Variants in KCNAB1 observed in about 807,000 individuals in gnomAD.
KCNAB1 encodes the protein voltage-gated potassium channel subunit beta-1.
Under a neutral mutation model 64.6 loss-of-function variants are expected in KCNAB1, and 35 were observed. The ratio of observed to expected loss-of-function variants is 0.54; its 90% CI spans 0.41 to 0.72. KCNAB1 has a LOEUF of 0.72. Among genes scored for constraint, KCNAB1 ranks in the 30% least tolerant of loss-of-function variants. KCNAB1 has a pLI of 0.00. For missense variants in KCNAB1, 401 were observed against 512.9 expected, an observed-to-expected ratio of 0.78 and a Z score of 2.11; for synonymous variants, 177 against 183.8, an observed-to-expected ratio of 0.96 and a Z score of 0.30.
At chr3:156,244,266 C>T (rs988079150) in intron 1 of KCNAB1, among the ~76,000 whole-genome samples, 1 of 152,206 alleles carries the variant, frequency 6.6e-6, no homozygotes, top group Non-Finnish European at 1.5e-5. Flanking sequence ...CTGGCTCCTT[C>T]TTTTATCTTC....
intron 1 of KCNAB1, among the ~76,000 whole-genome samples, chr3:156,389,817 T>C (rs1042812129): frequency 6.6e-6 from 1 of 152,244 alleles, no homozygotes; most frequent in Non-Finnish European, 1.5e-5. Flanking sequence ...TGGCAAACTA[T>C]AGCCACTTGT....
chr3:156,338,331 A>C (rs1369020237), intron 1 of KCNAB1, among the ~76,000 whole-genome samples: 2 of 7,758 alleles, frequency 2.6e-4, no homozygotes, highest in Admixed American at 1.1e-3. Context: ...TTTTTTTTTT[A>C]CAGAGTTTAA....
intron 1 of KCNAB1, among the ~76,000 whole-genome samples, chr3:156,229,484 T>C (rs1002984049): frequency 3.9e-5 from 6 of 152,168 alleles, no homozygotes; most frequent in African/African-American, 1.4e-4. Flanking sequence ...GGGACACAAA[T>C]TTAAACCATA....
chr3:156,449,875 T>C (rs1000470983), intron 2 of KCNAB1, among the ~76,000 whole-genome samples: 2 of 152,126 alleles, frequency 1.3e-5, no homozygotes, highest in Non-Finnish European at 2.9e-5. Context: ...TCAAAAAATA[T>C]AGATAAGTTG....
At chr3:156,383,503 T>G (rs989556203) in intron 1 of KCNAB1, among the ~76,000 whole-genome samples, 1 of 152,116 alleles carries the variant, frequency 6.6e-6, no homozygotes, top group African/African-American at 2.4e-5. Context: ...ATTATCCCAG[T>G]TTTGCACTGA....
At chr3:156,216,599 T>C (rs2108403482) in intron 1 of KCNAB1, among the ~76,000 whole-genome samples, 1 of 152,278 alleles carries the variant, frequency 6.6e-6, no homozygotes, top group African/African-American at 2.4e-5. Flanking sequence ...GACTGTCTAG[T>C]ACTAACCCTG....
rs1399844404 is a variant in KCNAB1 at position 156,536,752 on chromosome 3, A to G, written c.*5A>G. 3 of 1,586,336 alleles carry G rather than the reference A, an allele frequency of 1.9e-6. No homozygotes were observed. The highest frequency in any genetic ancestry group is 2.6e-6 in the Non-Finnish European group (3 of 1,154,760). ...AAGAAGGACTATAGATCATAAGGCA[A>G]TGCATGAACCACAGAAGCTGCATGG... is the stretch of plus-strand genomic sequence containing the variant. On this transcript the variant is annotated 3_prime_UTR_variant, in exon 14 of 14. Transcript: ENST00000490337.
intron 8 of KCNAB1, among the ~76,000 whole-genome samples, chr3:156,512,988 G>T (rs777146569): frequency 6.6e-6 from 1 of 152,314 alleles, no homozygotes; most frequent in East Asian, 1.9e-4. Flanking sequence ...CGAGGTGGGA[G>T]GATCACGAGG....
intron 1 of KCNAB1, among the ~76,000 whole-genome samples, chr3:156,129,048 A>T (rs1332843634): frequency 6.8e-6 from 1 of 146,360 alleles, no homozygotes; most frequent in East Asian, 2.0e-4. Context: ...CGGGGCTTTT[A>T]TAGTCGTTCT....
In KCNAB1 at chr3:156,465,677, A is replaced by G; in HGVS notation, c.562A>G (p.Ile188Val). 1.2e-6 allele frequency: 2 copies of G among 1,613,094 alleles called. No homozygotes were observed. The highest frequency in any genetic ancestry group is 1.7e-6 in the Non-Finnish European group (2 of 1,179,148). The part of the protein sequence containing the change: ...ETERGLSRKH[I>V]IEGLKGSLQR... ...AGAAAGAGGGCTGTCAAGAAAGCATATTATTGAAGGTGGGTACTTCTGCTT... is the reference window on the plus strand; with the variant it reads ...AGAAAGAGGGCTGTCAAGAAAGCATGTTATTGAAGGTGGGTACTTCTGCTT... The change falls in exon 7 of 14, where the codon ATT (isoleucine) becomes GTT (valine). Residue 188 changes from isoleucine (I) to valine (V), a missense_variant. By Grantham distance (29) the Ile-to-Val change is conservative. Transcript: ENST00000490337.
chr3:156,372,184 G>A (rs1312950563), intron 1 of KCNAB1, among the ~76,000 whole-genome samples: 3 of 152,180 alleles, frequency 2.0e-5, no homozygotes, highest in African/African-American at 7.2e-5. Context: ...AGCAAATTAG[G>A]CAGAGAGGAA....
intron 1 of KCNAB1, chr3:156,175,996 A>G: frequency 3.3e-6 from 3 of 910,640 alleles, no homozygotes; most frequent in Non-Finnish European, 3.7e-6. Flanking sequence ...CCACACATAC[A>G]CAAACCTGTC....
intron 1 of KCNAB1, among the ~76,000 whole-genome samples, chr3:156,211,829 C>T (rs968340721): frequency 1.3e-5 from 2 of 152,134 alleles, no homozygotes; most frequent in Non-Finnish European, 2.9e-5. Context: ...GGCAGGTTGC[C>T]CAACAGAATT....
chr3:156,476,504 C>T (rs1714354656), intron 8 of KCNAB1, among the ~76,000 whole-genome samples: 1 of 148,964 alleles, frequency 6.7e-6, no homozygotes, highest in Non-Finnish European at 1.5e-5. Flanking sequence ...GAGTAGTATT[C>T]CATCATATAT....
intron 1 of KCNAB1, among the ~76,000 whole-genome samples, chr3:156,398,862 A>G (rs1314072099): frequency 1.3e-5 from 2 of 152,062 alleles, no homozygotes; most frequent in Non-Finnish European, 2.9e-5. Context: ...TATCCATCCT[A>G]TTTTGGAGAT....
chr3:156,430,814 G>GT (rs1385662086), intron 2 of KCNAB1, among the ~76,000 whole-genome samples: 3 of 152,254 alleles, frequency 2.0e-5, no homozygotes, highest in African/African-American at 7.2e-5. Context: ...CACCAAATGT[G>GT]TAGGGCCCCT....
intron 1 of KCNAB1, among the ~76,000 whole-genome samples, chr3:156,411,308 T>C (rs1192656243): frequency 6.6e-6 from 1 of 152,186 alleles, no homozygotes; most frequent in Non-Finnish European, 1.5e-5. Context: ...TTTCAGCATG[T>C]AACATGTCTT....
At chr3:156,157,814 G>A (rs986033158) in intron 1 of KCNAB1, among the ~76,000 whole-genome samples, 2 of 152,044 alleles carry the variant, frequency 1.3e-5, no homozygotes, top group Admixed American at 6.6e-5. Flanking sequence ...AATATTAGCC[G>A]TTGCTATTTT....
intron 1 of KCNAB1, among the ~76,000 whole-genome samples, chr3:156,287,739 C>T (rs917733062): frequency 2.0e-5 from 3 of 151,622 alleles, no homozygotes; most frequent in Non-Finnish European, 2.9e-5. Flanking sequence ...ATTGCCTGAA[C>T]CCAGGAGGCA....
Sources: gnomAD v4.1 joint callset for allele counts (sites outside exome capture counted in the v4.1 genomes callset) on GRCh38, gnomAD v4.1.1 for gene constraint, MANE v1.5 for transcripts, NCBI Gene and HGNC (gene_info 2026-07-23, HGNC 2026-07-21) for gene names.